Variants in NAV3 observed in about 807,000 individuals in gnomAD.
NAV3 encodes the protein neuron navigator 3.
In NAV3, 87 loss-of-function variants were observed where a neutral mutation model predicts 244.7. The ratio of observed to expected loss-of-function variants is 0.36; its 90% CI spans 0.30 to 0.42. NAV3 has a LOEUF of 0.42. NAV3 is among the 20% of genes least tolerant of loss of function. The probability of loss-of-function intolerance (pLI) is 1.00; values close to 1 mark genes in which losing one functional copy is unlikely to be tolerated. For missense variants in NAV3, 2,663 were observed against 2,893.3 expected, an observed-to-expected ratio of 0.92 and a Z score of 1.83; for synonymous variants, 1,126 against 1,042.2, an observed-to-expected ratio of 1.08 and a Z score of -1.55.
At chr12:78,017,477 A>G (rs1051221591) in intron 8 of NAV3, among the ~76,000 whole-genome samples, 2 of 152,082 alleles carry the variant, frequency 1.3e-5, no homozygotes, top group African/African-American at 4.8e-5. Context: ...TGTTTTTGCA[A>G]TGCTGTATCT....
chr12:77,628,862 C>T (rs1447123697), intron 2 of NAV3, among the ~76,000 whole-genome samples: 1 of 149,144 alleles, frequency 6.7e-6, no homozygotes, highest in Non-Finnish European at 1.5e-5. Flanking sequence ...CCACTGCAGT[C>T]CACAGTCCAG....
intron 2 of NAV3, among the ~76,000 whole-genome samples, chr12:77,771,837 C>A (rs2135880385): frequency 6.6e-6 from 1 of 152,046 alleles, no homozygotes; most frequent in African/African-American, 2.4e-5. Flanking sequence ...GGGTGCAGCA[C>A]ACCGACATGG....
intron 2 of NAV3, among the ~76,000 whole-genome samples, chr12:77,797,524 G>GTTTTTTT (rs33912743): frequency 9.9e-6 from 1 of 100,586 alleles, no homozygotes; most frequent in Non-Finnish European, 1.9e-5. Context: ...TCTTTAAAAA[G>GTTTTTTT]TTTTTTTTTT....
chr12:77,713,165 T>G (rs1876202841), intron 2 of NAV3, among the ~76,000 whole-genome samples: 1 of 152,214 alleles, frequency 6.6e-6, no homozygotes, highest in South Asian at 2.1e-4. Context: ...GCTCTGTGCG[T>G]TTGCACATTT....
intron 16 of NAV3, among the ~76,000 whole-genome samples, chr12:78,126,924 C>A (rs1955933763): frequency 6.6e-6 from 1 of 152,126 alleles, no homozygotes; most frequent in South Asian, 2.1e-4. Context: ...GTGATTTAAT[C>A]TATTTTCTAG....
chr12:78,055,084 A>G (rs1174025921), intron 11 of NAV3, among the ~76,000 whole-genome samples: 1 of 152,188 alleles, frequency 6.6e-6, no homozygotes, highest in Non-Finnish European at 1.5e-5. Context: ...AGTTCATCCT[A>G]TGTGTCAAGC....
intron 2 of NAV3, among the ~76,000 whole-genome samples, chr12:77,609,520 T>G (rs74376898): frequency 0.056 from 8,538 of 152,098 alleles, 340 homozygotes; most frequent in East Asian, 0.11. Flanking sequence ...CAGTGATGCT[T>G]AAACTTCTGT....
intron 2 of NAV3, among the ~76,000 whole-genome samples, chr12:77,801,617 G>C (rs1871711351): frequency 6.6e-6 from 1 of 152,084 alleles, no homozygotes; most frequent in Admixed American, 6.5e-5. Flanking sequence ...ATTACACTAT[G>C]ACCCTAAGGA....
chr12:77,736,835 A>C (rs1325586755), intron 2 of NAV3, among the ~76,000 whole-genome samples: 2 of 152,218 alleles, frequency 1.3e-5, no homozygotes, highest in African/African-American at 4.8e-5. Context: ...AACCCATTGC[A>C]TGAATTTAGA....
intron 1 of NAV3, among the ~76,000 whole-genome samples, chr12:77,863,332 C>T (rs1373148498): frequency 6.6e-6 from 1 of 151,844 alleles, no homozygotes; most frequent in Non-Finnish European, 1.5e-5. Flanking sequence ...CAAGTCCCTT[C>T]AGCAGATGTT....
chr12:77,785,740 G>A (rs1474247074), intron 2 of NAV3, among the ~76,000 whole-genome samples: 1 of 152,094 alleles, frequency 6.6e-6, no homozygotes, highest in Non-Finnish European at 1.5e-5. Context: ...TGGTAGGCGT[G>A]GGCTGCCTGC....
chr12:77,623,042 A>G (rs1048603567), intron 2 of NAV3, among the ~76,000 whole-genome samples: 4 of 152,224 alleles, frequency 2.6e-5, no homozygotes. Flanking sequence ...ATACCAAACC[A>G]TGTTGACAGA....
chr12:78,177,419 T>G, intron 27 of NAV3, 106 bp downstream of exon 27: 4 of 1,307,986 alleles, frequency 3.1e-6, no homozygotes, highest in Non-Finnish European at 4.2e-6. Flanking sequence ...TTTCAGATTT[T>G]TCTGAGAATG....
intron 8 of NAV3, among the ~76,000 whole-genome samples, chr12:78,016,398 C>T (rs770391063): frequency 3.3e-5 from 5 of 152,056 alleles, no homozygotes; most frequent in Non-Finnish European, 7.4e-5. Context: ...ATTTTTCTTT[C>T]CATACTTGTG....
chr12:77,648,606 C>G (rs1872697543), intron 2 of NAV3, among the ~76,000 whole-genome samples: 1 of 152,084 alleles, frequency 6.6e-6, no homozygotes, highest in Non-Finnish European at 1.5e-5. Context: ...ATTGCTCATT[C>G]AGTTATGAAG....
intron 12 of NAV3, among the ~76,000 whole-genome samples, chr12:78,083,214 A>G (rs1699602152): frequency 6.6e-6 from 1 of 152,092 alleles, no homozygotes. Flanking sequence ...GGCTTTTATA[A>G]CAGACCTACT....
chr12:77,900,431 G>A (rs1885147781), intron 1 of NAV3, among the ~76,000 whole-genome samples: 1 of 152,102 alleles, frequency 6.6e-6, no homozygotes, highest in African/African-American at 2.4e-5. Context: ...TCATAAGGAG[G>A]ACATGCAGTC....
At chr12:77,731,352 A>G (rs1004875483) in intron 2 of NAV3, among the ~76,000 whole-genome samples, 1 of 152,034 alleles carries the variant, frequency 6.6e-6, no homozygotes, top group Non-Finnish European at 1.5e-5. Context: ...AATTAATGAC[A>G]AGAACACAGA....
chr12:78,174,763 A>G (rs1958149737), intron 24 of NAV3, among the ~76,000 whole-genome samples: 2 of 151,928 alleles, frequency 1.3e-5, no homozygotes, highest in Admixed American at 6.6e-5. Context: ...TGGCCAAGTT[A>G]CTTAACTTCT....
Sources: gnomAD v4.1 joint callset for allele counts (sites outside exome capture counted in the v4.1 genomes callset) on GRCh38, gnomAD v4.1.1 for gene constraint, MANE v1.5 for transcripts, NCBI Gene and HGNC (gene_info 2026-07-23, HGNC 2026-07-21) for gene names.